SRGAP3: variants seen among roughly 807,000 people sequenced by gnomAD.
SRGAP3 encodes the protein SLIT-ROBO Rho GTPase activating protein 3, also known as SLIT-ROBO Rho GTPase-activating protein 3.
In SRGAP3, 39 loss-of-function variants were observed where a neutral mutation model predicts 121.1. The observed-to-expected ratio is 0.32, with a 90% CI of 0.25 to 0.42. The LOEUF (loss-of-function observed/expected upper bound fraction) is 0.42, where lower values mean the gene tolerates loss of function less well. SRGAP3 is among the 10% of genes least tolerant of loss of function. The probability of loss-of-function intolerance (pLI) is 1.00; values close to 1 mark genes in which losing one functional copy is unlikely to be tolerated. For synonymous variants in SRGAP3, 601 were observed against 570.0 expected, an observed-to-expected ratio of 1.05 and a Z score of -0.77; for missense variants, 1,213 against 1,470.6, an observed-to-expected ratio of 0.82 and a Z score of 2.86.
At chr3:9,287,076 C>T (rs1356267238) in intron 3 of SRGAP3, among the ~76,000 whole-genome samples, 1 of 147,582 alleles carries the variant, frequency 6.8e-6, no homozygotes, top group Non-Finnish European at 1.5e-5. Flanking sequence ...ACTGCAGCCT[C>T]GACCTCCTGG....
At chr3:9,017,039 A>G (rs1943674266) in intron 14 of SRGAP3, among the ~76,000 whole-genome samples, 1 of 152,210 alleles carries the variant, frequency 6.6e-6, no homozygotes, top group Non-Finnish European at 1.5e-5. Flanking sequence ...ACCAAAAAAA[A>G]TCCCCAATTA....
chr3:9,030,644 A>G (rs1944439677), intron 12 of SRGAP3, among the ~76,000 whole-genome samples: 1 of 150,286 alleles, frequency 6.7e-6, no homozygotes, highest in Non-Finnish European at 1.5e-5. Context: ...ATAAAGTCAG[A>G]TAACTTTATA....
chr3:9,311,592 A>G (rs1476936287), intron 3 of SRGAP3, among the ~76,000 whole-genome samples: 1 of 152,226 alleles, frequency 6.6e-6, no homozygotes, highest in East Asian at 1.9e-4. Flanking sequence ...GTATTTATGG[A>G]CACTAAAATC....
intron 3 of SRGAP3, chr3:9,292,635 C>T (rs1207212619): frequency 1.3e-5 from 2 of 152,082 alleles, no homozygotes; most frequent in African/African-American, 2.4e-5. Context: ...ACGGTAACTG[C>T]CAATCAGATC....
At chr3:9,351,993 G>C (rs1376090348) in intron 1 of SRGAP3, among the ~76,000 whole-genome samples, 1 of 152,136 alleles carries the variant, frequency 6.6e-6, no homozygotes, top group Admixed American at 6.5e-5. Flanking sequence ...TTCCCCAGTT[G>C]ACCACCACAA....
chr3:9,248,809 C>T (rs1953916187), intron 1 of SRGAP3, 76 bp downstream of exon 1: 1 of 1,430,000 alleles, frequency 7.0e-7, no homozygotes, highest in Non-Finnish European at 9.9e-7. Context: ...AAACGGGGGG[C>T]AGCGGGGGAT....
chr3:9,323,118 G>GA (rs1396591103), intron 3 of SRGAP3, among the ~76,000 whole-genome samples: 2 of 151,650 alleles, frequency 1.3e-5, no homozygotes, highest in Non-Finnish European at 2.9e-5. Context: ...GACATTCTTG[G>GA]AAAAAAAGAA....
At chr3:9,254,684 T>C (rs747385444), upstream of SRGAP3, among the ~76,000 whole-genome samples, 9 of 152,050 alleles carry the variant, frequency 5.9e-5, no homozygotes, top group Non-Finnish European at 1.3e-4. Context: ...TGGTCCCAGC[T>C]ACTTGGGAGG....
At chr3:9,052,895 G>T in intron 9 of SRGAP3, 132 bp downstream of exon 9, 3 of 1,084,528 alleles carry the variant, frequency 2.8e-6, no homozygotes, top group Non-Finnish European at 4.1e-6. Context: ...AATTTTAAAA[G>T]CATGGTGATG....
At chr3:9,122,281 C>G (rs1411449010) in intron 2 of SRGAP3, among the ~76,000 whole-genome samples, 2 of 152,092 alleles carry the variant, frequency 1.3e-5, no homozygotes, top group East Asian at 1.9e-4. Flanking sequence ...ATACAATGAG[C>G]ATTTTACCTT....
chr3:9,126,456 C>T (rs1266654140), intron 1 of SRGAP3, among the ~76,000 whole-genome samples: 3 of 152,018 alleles, frequency 2.0e-5, no homozygotes, highest in Non-Finnish European at 4.4e-5. Flanking sequence ...ACAGTGAAAC[C>T]CTGTCTCTAC....
At chr3:9,277,130 A>G (rs928754091) in intron 3 of SRGAP3, among the ~76,000 whole-genome samples, 2 of 152,230 alleles carry the variant, frequency 1.3e-5, no homozygotes, top group African/African-American at 4.8e-5. Context: ...CATGTCATAA[A>G]TGCTCAACTA....
chr3:9,326,320 A>G (rs1955517793), intron 2 of SRGAP3, among the ~76,000 whole-genome samples: 1 of 151,862 alleles, frequency 6.6e-6, no homozygotes. Context: ...TGAAAATGAC[A>G]ATTGAATGAA....
chr3:8,992,458 G>A (rs559883446), intron 20 of SRGAP3, among the ~76,000 whole-genome samples: 2 of 152,140 alleles, frequency 1.3e-5, no homozygotes, highest in African/African-American at 2.4e-5. Context: ...GGGTGGAGTC[G>A]AGTGTCAATT....
chr3:9,186,007 A>C lies in SRGAP3; in HGVS notation c.68-61090T>G, dbSNP rs1374070326. Among the ~76,000 whole-genome samples the C allele has an allele frequency of 2.6e-5, 4 of 152,298 alleles. No homozygotes were observed. The East Asian group carries it at 7.7e-4, about 29-fold the overall frequency. ...AAGGATAACCTAGCTAAGTGTTGGG[A>C]AAGTTCCACTTTCCAACCAAACCCA... is the stretch of plus-strand genomic sequence containing the variant. On this transcript the variant is annotated intron_variant, in intron 1 of 21. Coordinates refer to ENST00000383836, the MANE Select transcript of SRGAP3 (RefSeq NM_014850.4).
chr3:9,057,871 G>C (rs543006683), intron 7 of SRGAP3, among the ~76,000 whole-genome samples: 2 of 152,330 alleles, frequency 1.3e-5, no homozygotes, highest in African/African-American at 4.8e-5. Flanking sequence ...GAGGAAGGGA[G>C]CGCCCTGGTG....
intron 1 of SRGAP3, among the ~76,000 whole-genome samples, chr3:9,139,302 C>CA (rs34735621): frequency 6.6e-6 from 1 of 151,812 alleles, no homozygotes; most frequent in Non-Finnish European, 1.5e-5. Flanking sequence ...CCTTCAATGG[C>CA]AAAAAAGGAC....
In SRGAP3 at chr3:9,332,689, T is replaced by C. The variant is rs189412239; in HGVS notation, n.215-2093A>G. On this transcript the variant is annotated intron_variant and non_coding_transcript_variant, in intron 1 of 3. Coordinates refer to the SRGAP3 transcript ENST00000490889. The stretch of plus-strand genomic sequence containing the variant: ...GCTGAAACCAATTAATTTTTTTCCT[T>C]TGCTTTTAAAAACACATTAGGATTT... 1.8e-4 allele frequency among the ~76,000 whole-genome samples: 27 copies of C among 152,346 alleles called. No individual in the cohort carries two copies. In the East Asian group the frequency reaches 5.2e-3, roughly 29 times the overall value.
intron 3 of SRGAP3, among the ~76,000 whole-genome samples, chr3:9,281,989 G>A (rs1334833541): frequency 6.6e-6 from 1 of 152,094 alleles, no homozygotes; most frequent in Non-Finnish European, 1.5e-5. Context: ...ATTATTAATG[G>A]CAAAGCCAAT....
Sources: gnomAD v4.1 joint callset for allele counts (sites outside exome capture counted in the v4.1 genomes callset) on GRCh38, gnomAD v4.1.1 for gene constraint, MANE v1.5 for transcripts, NCBI Gene and HGNC (gene_info 2026-07-23, HGNC 2026-07-21) for gene names.